MORC3: variants seen among roughly 807,000 people sequenced by gnomAD.
MORC3 encodes the protein MORC family CW-type zinc finger 3.
A neutral mutation model predicts 109.1 loss-of-function variants in MORC3; 31 were observed. The ratio of observed to expected loss-of-function variants is 0.28; its 90% CI spans 0.21 to 0.38. The LOEUF (loss-of-function observed/expected upper bound fraction) is 0.38, where lower values mean the gene tolerates loss of function less well. Ranked by LOEUF, MORC3 falls within the 10% of genes least tolerant of loss-of-function variation. The probability of loss-of-function intolerance (pLI) is 1.00; values close to 1 mark genes in which losing one functional copy is unlikely to be tolerated. For synonymous variants in MORC3, 395 were observed against 380.7 expected, an observed-to-expected ratio of 1.04 and a Z score of -0.44; for missense variants, 867 against 1,135.8, an observed-to-expected ratio of 0.76 and a Z score of 3.40.
intron 16 of MORC3, among the ~76,000 whole-genome samples, chr21:36,373,814 A>G (rs982183536): frequency 6.6e-6 from 1 of 152,142 alleles, no homozygotes; most frequent in African/African-American, 2.4e-5. Context: ...ATATGGACTT[A>G]TTATATTGTA....
intron 4 of MORC3, among the ~76,000 whole-genome samples, chr21:36,338,463 G>C (rs561129015): frequency 5.9e-5 from 9 of 152,112 alleles, no homozygotes; most frequent in African/African-American, 2.2e-4. Context: ...CAAGACAGAA[G>C]GATTGCTTGA....
chr21:36,356,370 T>C (rs2085645316), intron 9 of MORC3, among the ~76,000 whole-genome samples: 1 of 152,192 alleles, frequency 6.6e-6, no homozygotes, highest in African/African-American at 2.4e-5. Flanking sequence ...TTCTGGGCAA[T>C]GCAGTTCTTG....
rs1021570413 is a variant in MORC3 at position 36,320,450 on chromosome 21, G to C, written c.39+147G>C. On this transcript the variant is annotated intron_variant, in intron 1 of 16. Transcript: ENST00000400485. ...GGCCCGGGGAGGGGGCGGCCATCTC[G>C]CTCCCGTCGGCGGAACAGCTCGGCT... is the stretch of plus-strand genomic sequence containing the variant. The C allele has an allele frequency of 1.1e-3, 799 of 709,702 alleles. 2 individuals carry two copies. Among genetic ancestry groups the C allele is most frequent in the Non-Finnish European group, 1.4e-3 (710 of 517,278 alleles). The allele number at this position is 709,702 out of a possible 1,614,324, so 44.0% of individuals were successfully genotyped here.
intron 10 of MORC3, among the ~76,000 whole-genome samples, chr21:36,357,092 T>C (rs2085653583): frequency 6.6e-6 from 1 of 152,228 alleles, no homozygotes; most frequent in Admixed American, 6.5e-5. Flanking sequence ...GCATTGAACA[T>C]ATTACTTGGC....
intron 5 of MORC3, among the ~76,000 whole-genome samples, chr21:36,340,930 C>T (rs1359830879): frequency 1.3e-5 from 2 of 152,182 alleles, no homozygotes; most frequent in South Asian, 2.1e-4. Flanking sequence ...AGCCACTGCA[C>T]CCAGCCAGTT....
intron 6 of MORC3, among the ~76,000 whole-genome samples, chr21:36,341,902 CA>C (rs1420592822): frequency 6.6e-6 from 1 of 152,046 alleles, no homozygotes; most frequent in Admixed American, 6.6e-5. Context: ...CAGACTAATT[CA>C]AAAAACAACA....
chr21:36,333,361 G>A lies in MORC3; in HGVS notation c.40-285G>A, dbSNP rs529762313. The A allele has an allele frequency of 4.5e-4, 167 of 373,260 alleles. No homozygotes were observed. In the South Asian group the frequency reaches 9.0e-3, roughly 20 times the overall value. The allele number at this position is 373,260 out of a possible 1,614,324, so 23.1% of individuals were successfully genotyped here. A position where few individuals can be genotyped will look rare whatever the true frequency, so the allele number is the denominator to read the frequency against. On this transcript the variant is annotated intron_variant, in intron 1 of 16. Coordinates refer to ENST00000400485, the MANE Select transcript of MORC3 (RefSeq NM_015358.3). ...GCTGGATCATTTTAAGGTAGGTCTT[G>A]GCAAGGTATGTCCCTATTTGGGATT... is the stretch of plus-strand genomic sequence containing the variant.
intron 9 of MORC3, among the ~76,000 whole-genome samples, chr21:36,352,259 T>G (rs536078383): frequency 1.7e-4 from 26 of 152,100 alleles, no homozygotes; most frequent in Non-Finnish European, 2.8e-4. Flanking sequence ...ACAGAGTATT[T>G]ACACACACAC....
At chr21:36,348,825 A>C (rs570144606) in intron 8 of MORC3, among the ~76,000 whole-genome samples, 1 of 152,312 alleles carries the variant, frequency 6.6e-6, no homozygotes, top group African/African-American at 2.4e-5. Context: ...ATTAACTCCC[A>C]GGAATATAAA....
chr21:36,322,817 A>G (rs575792236), intron 1 of MORC3, among the ~76,000 whole-genome samples: 1 of 149,282 alleles, frequency 6.7e-6, no homozygotes, highest in Non-Finnish European at 1.5e-5. Flanking sequence ...TTTGTTGTTG[A>G]TTTTTTTTTT....
At chr21:36,340,219 A>G (rs1201347726) in intron 5 of MORC3, among the ~76,000 whole-genome samples, 1 of 151,134 alleles carries the variant, frequency 6.6e-6, no homozygotes, top group African/African-American at 2.4e-5. Flanking sequence ...CGGAGCTTGC[A>G]GTGAGCCGAG....
intron 8 of MORC3, among the ~76,000 whole-genome samples, chr21:36,346,681 A>G (rs1158570461): frequency 6.6e-6 from 1 of 151,804 alleles, no homozygotes; most frequent in Non-Finnish European, 1.5e-5. Flanking sequence ...CTGGTGGTGC[A>G]TGCCTGTGGT....
At chr21:36,370,001 T>TG in intron 15 of MORC3, 125 bp downstream of exon 15, 1 of 1,097,326 alleles carries the variant, frequency 9.1e-7, no homozygotes, top group Non-Finnish European at 1.3e-6. Context: ...CCAAGGCGGG[T>TG]GGGTCAGTCA....
At chr21:36,339,025 G>T in intron 5 of MORC3, 104 bp downstream of exon 5, 2 of 1,307,088 alleles carry the variant, frequency 1.5e-6, no homozygotes, top group South Asian at 1.6e-5. Context: ...TACATGGAAA[G>T]GTACTCATTT....
In MORC3 at chr21:36,353,755, A is replaced by ATTTTTTTTTTTTTTTTTTTTTT. The variant is rs1202729285; in HGVS notation, c.1104-2864_1104-2843dup. 2.4e-4 allele frequency among the ~76,000 whole-genome samples: 17 copies of ATTTTTTTTTTTTTTTTTTTTTT among 71,002 alleles called. 1 individual carries two copies. The highest frequency in any genetic ancestry group is 6.9e-4 in the South Asian group (1 of 1,458). The allele number at this position is 71,002 out of a possible 152,430, so 46.6% of individuals were successfully genotyped here. ...GCCACCAAGCCCGGCTAATTTTTGTATTTTTTTTTTTTTTTTTTTTTTAGT... is the reference window on the plus strand; with the variant it reads ...GCCACCAAGCCCGGCTAATTTTTGTATTTTTTTTTTTTTTTTTTTTTTTTTTTTTTTTTTTTTTTTTTTTAGT... On this transcript the variant is annotated intron_variant, in intron 9 of 16. Transcript: ENST00000400485.
At chr21:36,365,959 C>T (rs189485282) in intron 14 of MORC3, among the ~76,000 whole-genome samples, 33 of 152,284 alleles carry the variant, frequency 2.2e-4, no homozygotes, top group South Asian at 1.9e-3. Flanking sequence ...TCATATTTTA[C>T]AGTTCTCCTT....
intron 12 of MORC3, among the ~76,000 whole-genome samples, chr21:36,360,460 A>T (rs945539186): frequency 3.9e-5 from 6 of 152,224 alleles, no homozygotes; most frequent in African/African-American, 1.4e-4. Flanking sequence ...TATTGCTGCC[A>T]TATGTGCGGA....
chr21:36,333,687 C>A lies in MORC3; in HGVS notation c.81C>A (p.Thr27=), dbSNP rs374632053. Residue 27 remains threonine, a synonymous_variant, in exon 2 of 17, where the codon ACC becomes ACA. Transcript: ENST00000400485. ...KFLHTNSTSH[T]WPFSAVAELI... is the part of the protein sequence containing the mutation. ...TACATACAAATTCTACTAGTCACAC[C>A]TGGCCATTCAGTGCAGTTGCTGAAT... is the stretch of plus-strand genomic sequence containing the variant. 148 of 1,613,190 alleles carry A rather than the reference C, an allele frequency of 9.2e-5. No individual in the cohort carries two copies. The highest frequency in any genetic ancestry group is 1.2e-4 in the Non-Finnish European group (146 of 1,179,556).
At chr21:36,346,116 G>C (rs149897367) in intron 8 of MORC3, among the ~76,000 whole-genome samples, 107 of 152,276 alleles carry the variant, frequency 7.0e-4, no homozygotes, top group African/African-American at 2.5e-3. Context: ...CACCTCCCTG[G>C]TTCAAGCGAT....
Sources: gnomAD v4.1 joint callset for allele counts (sites outside exome capture counted in the v4.1 genomes callset) on GRCh38, gnomAD v4.1.1 for gene constraint, MANE v1.5 for transcripts, NCBI Gene and HGNC (gene_info 2026-07-23, HGNC 2026-07-21) for gene names.